The following SNTG1 variants were observed in gnomAD, a reference collection of about 807,000 sequenced individuals.
SNTG1 encodes syntrophin gamma 1.
A neutral mutation model predicts 74.7 loss-of-function variants in SNTG1; 39 were observed. The ratio of observed to expected loss-of-function variants is 0.52; its 90% CI spans 0.40 to 0.68. SNTG1 has a LOEUF of 0.68. Ranked by LOEUF, SNTG1 falls within the 30% of genes least tolerant of loss-of-function variation. The probability of loss-of-function intolerance (pLI) is 0.00; values close to 1 mark genes in which losing one functional copy is unlikely to be tolerated. For synonymous variants in SNTG1, 254 were observed against 217.1 expected (o/e 1.17, Z -1.49); for missense variants, 685 against 609.5 (o/e 1.12, Z -1.30).
chr8:50,276,941 T>A (rs1474270585), intron 2 of SNTG1, among the ~76,000 whole-genome samples: 1 of 152,138 alleles, frequency 6.6e-6, no homozygotes, highest in Admixed American at 6.5e-5. Context: ...ACCATTCTCC[T>A]GCCTCAGCCT....
chr8:50,720,521 T>C (rs916702503), intron 17 of SNTG1, among the ~76,000 whole-genome samples: 1 of 152,250 alleles, frequency 6.6e-6, no homozygotes, highest in Middle Eastern at 3.4e-3. Flanking sequence ...AAAGGACAGA[T>C]CTAGAATTGG....
At chr8:50,221,418 C>G (rs535216196) in intron 2 of SNTG1, among the ~76,000 whole-genome samples, 1 of 150,888 alleles carries the variant, frequency 6.6e-6, no homozygotes, top group Admixed American at 6.6e-5. Context: ...ATAAGATCAA[C>G]GTGGCAAAAT....
intron 1 of SNTG1, among the ~76,000 whole-genome samples, chr8:50,032,135 C>T (rs1817789602): frequency 6.6e-6 from 1 of 151,016 alleles, no homozygotes; most frequent in Admixed American, 6.6e-5. Flanking sequence ...TAGTGATGTT[C>T]CTTCCTTCAT....
intron 18 of SNTG1, among the ~76,000 whole-genome samples, chr8:50,785,244 T>C (rs977072254): frequency 2.0e-5 from 3 of 151,076 alleles, no homozygotes; most frequent in African/African-American, 7.3e-5. Flanking sequence ...AATTAGAAAA[T>C]CTCAAATTTA....
chr8:50,664,073 C>T (rs559998069), intron 15 of SNTG1, among the ~76,000 whole-genome samples: 77 of 152,200 alleles, frequency 5.1e-4, no homozygotes, highest in African/African-American at 1.7e-3. Context: ...CCATGTTACA[C>T]GTCTCAAAAT....
intron 1 of SNTG1, among the ~76,000 whole-genome samples, chr8:50,151,689 G>T (rs1419488093): frequency 6.6e-6 from 1 of 152,164 alleles, no homozygotes; most frequent in East Asian, 1.9e-4. Flanking sequence ...TTCATGAGCA[G>T]GTTGTTCAGT....
At chr8:50,178,099 A>G (rs911115461) in intron 2 of SNTG1, among the ~76,000 whole-genome samples, 7 of 152,082 alleles carry the variant, frequency 4.6e-5, no homozygotes, top group African/African-American at 1.7e-4. Flanking sequence ...CGATTTATTT[A>G]TTCATTCGTC....
At chr8:50,213,174 G>T (rs1404486469) in intron 2 of SNTG1, among the ~76,000 whole-genome samples, 1 of 152,170 alleles carries the variant, frequency 6.6e-6, no homozygotes, top group African/African-American at 2.4e-5. Context: ...TGTGCCAATA[G>T]ATATTTCTAG....
intron 13 of SNTG1, among the ~76,000 whole-genome samples, chr8:50,623,905 C>A (rs911276917): frequency 6.6e-6 from 1 of 151,842 alleles, no homozygotes; most frequent in Non-Finnish European, 1.5e-5. Flanking sequence ...TAAAATTATA[C>A]TCAATTACTT....
At chr8:50,146,647 G>A (rs375718240) in intron 1 of SNTG1, among the ~76,000 whole-genome samples, 62 of 152,112 alleles carry the variant, frequency 4.1e-4, no homozygotes, top group Non-Finnish European at 6.5e-4. Context: ...TGGCTATGTC[G>A]TATTGCAACC....
rs574053700 is a variant in SNTG1 at position 50,247,878 on chromosome 8, T to C, written c.-28+75243T>C. On this transcript the variant is annotated intron_variant, in intron 2 of 18. Transcript: ENST00000642720. ...ATGAGCTTTTTGAAGACCCTTTGTA[T>C]TTATTGTCTCATAATTTTGTAGGCA... Among the ~76,000 whole-genome samples the C allele has an allele frequency of 1.4e-3, 217 of 152,196 alleles. 1 individual carries two copies. Among genetic ancestry groups the C allele is most frequent in the South Asian group, 5.6e-3 (27 of 4,818 alleles).
chr8:49,960,593 C>A (rs1056027989), intron 1 of SNTG1, among the ~76,000 whole-genome samples: 1 of 151,856 alleles, frequency 6.6e-6, no homozygotes, highest in Admixed American at 6.6e-5. Context: ...CCATAAGATG[C>A]TACAGTTCAA....
chr8:49,942,543 T>C (rs1808792939), intron 1 of SNTG1, among the ~76,000 whole-genome samples: 1 of 152,180 alleles, frequency 6.6e-6, no homozygotes, highest in Non-Finnish European at 1.5e-5. Flanking sequence ...TTTTTCTGCT[T>C]CAAGATCCCA....
chr8:50,312,992 A>G (rs2090175077), intron 2 of SNTG1, among the ~76,000 whole-genome samples: 1 of 149,736 alleles, frequency 6.7e-6, no homozygotes, highest in Admixed American at 6.8e-5. Context: ...ACCCAAAGCA[A>G]TCTACAGATT....
chr8:50,284,827 T>A (rs916916018), intron 2 of SNTG1, among the ~76,000 whole-genome samples: 2 of 152,150 alleles, frequency 1.3e-5, no homozygotes, highest in African/African-American at 4.8e-5. Context: ...AGATATATTA[T>A]CTCAATAAAA....
intron 15 of SNTG1, among the ~76,000 whole-genome samples, chr8:50,685,430 T>C (rs1485914540): frequency 6.6e-6 from 1 of 152,194 alleles, no homozygotes; most frequent in Middle Eastern, 3.2e-3. Flanking sequence ...TCTTTGAATA[T>C]GTTTTCTAAC....
At chr8:50,783,401 G>T (rs1033036997) in intron 18 of SNTG1, among the ~76,000 whole-genome samples, 1 of 152,230 alleles carries the variant, frequency 6.6e-6, no homozygotes, top group Admixed American at 6.5e-5. Context: ...CTGGGCAATG[G>T]CAGGCGCCCC....
At chr8:50,731,069 G>T (rs1248304220) in intron 17 of SNTG1, among the ~76,000 whole-genome samples, 1 of 152,120 alleles carries the variant, frequency 6.6e-6, no homozygotes, top group East Asian at 1.9e-4. Flanking sequence ...CTTATAAGTA[G>T]AATATAAAAT....
At chr8:50,514,438 G>A (rs957048413) in intron 9 of SNTG1, among the ~76,000 whole-genome samples, 2 of 151,850 alleles carry the variant, frequency 1.3e-5, no homozygotes, top group Non-Finnish European at 2.9e-5. Flanking sequence ...TTAATTTGTT[G>A]GATATTGTTT....
Sources: allele counts gnomAD v4.1 joint callset (sites outside exome capture counted in the v4.1 genomes callset), GRCh38; gene constraint gnomAD v4.1.1; transcripts MANE v1.5; gene names NCBI Gene and HGNC (gene_info 2026-07-23, HGNC 2026-07-21).